The following COL6A2 variants were observed in gnomAD, a reference collection of about 807,000 sequenced individuals.
COL6A2 encodes the protein collagen alpha-2(VI) chain.
In COL6A2, 90 loss-of-function variants were observed where a neutral mutation model predicts 124.9. The ratio of observed to expected loss-of-function variants is 0.72; its 90% CI spans 0.61 to 0.86. COL6A2 has a LOEUF of 0.86. Among genes scored for constraint, COL6A2 ranks in the 40% least tolerant of loss-of-function variants. The pLI, the probability that COL6A2 is intolerant of heterozygous loss-of-function variation, is 0.00. For missense variants in COL6A2, 1,607 were observed against 1,502.5 expected, an observed-to-expected ratio of 1.07 and a Z score of -1.15; for synonymous variants, 793 against 618.2, an observed-to-expected ratio of 1.28 and a Z score of -4.19.
At position 46,119,870 on chromosome 21, in the gene COL6A2, C is replaced by A. The variant is rs1222615509; in HGVS notation, c.1332+20C>A. 1 of 1,553,098 alleles carries A rather than the reference C, an allele frequency of 6.4e-7. No individual in the cohort carries two copies. Among genetic ancestry groups the A allele is most frequent in the East Asian group, 2.4e-5 (1 of 41,738 alleles). ...GAGAAGGTGAGTCCTCGTGTGGAGG[C>A]AGCCCAGGGTCTCACTGTGGTGCCC... On this transcript the variant is annotated intron_variant, in intron 15 of 27. Transcript: ENST00000300527.
rs2078491479 is a variant in COL6A2 at position 46,117,541 on chromosome 21, G to A, written c.1053+88G>A. 2.4e-5 allele frequency: 32 copies of A among 1,338,500 alleles called. No individual in the cohort carries two copies. In the South Asian group the frequency reaches 3.0e-4, roughly 13 times the overall value. 82.9% of individuals were successfully genotyped at this position (1,338,500 alleles called of 1,614,324 possible). On this transcript the variant is annotated intron_variant, in intron 11 of 27. Coordinates refer to ENST00000300527, the MANE Select transcript of COL6A2 (RefSeq NM_001849.4). ...GGGAGGGTAGTTGCTGCTGCAGTGG[G>A]AGCGTGGGTTCTCCCGGCAGCCCAG... is the stretch of plus-strand genomic sequence containing the variant.
intron 11 of COL6A2, 55 bp from the exon 12 acceptor site, chr21:46,117,819 A>C: frequency 1.3e-4 from 204 of 1,559,258 alleles, no homozygotes; most frequent in Non-Finnish European, 1.7e-4. Flanking sequence ...GCCCTGGCTC[A>C]TGGGGAGAAC....
chr21:46,106,057 G>A (rs2078332578), intron 1 of COL6A2, among the ~76,000 whole-genome samples: 1 of 152,108 alleles, frequency 6.6e-6, no homozygotes, highest in South Asian at 2.1e-4. Flanking sequence ...CACACAAATA[G>A]TAACCAAAAG....
At chr21:46,124,836 G>A (rs2078634604) in intron 22 of COL6A2, 49 bp from the exon 23 acceptor site, 1 of 1,611,048 alleles carries the variant, frequency 6.2e-7, no homozygotes, top group Non-Finnish European at 8.5e-7. Flanking sequence ...GAGAGACTCA[G>A]CCACCCAGCC....
intron 27 of COL6A2, among the ~76,000 whole-genome samples, chr21:46,128,450 G>A (rs911690662): frequency 3.3e-5 from 5 of 152,212 alleles, no homozygotes; most frequent in Non-Finnish European, 5.9e-5. Context: ...CATCCTCCTC[G>A]GCCCTCCTGG....
chr21:46,130,281 G>A (rs535590389), intron 27 of COL6A2, among the ~76,000 whole-genome samples: 47 of 152,336 alleles, frequency 3.1e-4, no homozygotes, highest in African/African-American at 1.1e-3. Context: ...GCATCCACCA[G>A]GCACAACCTC....
chr21:46,116,875 G>T lies in COL6A2; in HGVS notation c.999+61G>T. The T allele has an allele frequency of 6.3e-7, 1 of 1,574,984 alleles. No homozygotes were observed. The highest frequency in any genetic ancestry group is 8.7e-7 in the Non-Finnish European group (1 of 1,146,492). On this transcript the variant is annotated intron_variant, in intron 10 of 27. Transcript: ENST00000300527. The surrounding 1 kb of genome is among the most constrained non-coding windows in gnomAD (Gnocchi z 4.6). Reference sequence around the variant, plus strand: ...TCACAGAGGCATCCCAGCCTCTGCAGGGCCCCCAGATCCAGCCTGATCTGT... The same window carrying T: ...TCACAGAGGCATCCCAGCCTCTGCATGGCCCCCAGATCCAGCCTGATCTGT...
chr21:46,111,314 G>A (rs2123612111), intron 1 of COL6A2, 136 bp from the exon 2 acceptor site: 1 of 614,230 alleles, frequency 1.6e-6, no homozygotes, highest in East Asian at 2.8e-5. Flanking sequence ...TGTGTGCTGG[G>A]CGCAGACCCC....
At position 46,125,947 on chromosome 21, in the gene COL6A2, A is replaced by G. The variant is rs764049482; in HGVS notation, c.2132A>G (p.Tyr711Cys). The G allele has an allele frequency of 6.2e-7, 1 of 1,613,106 alleles. No individual in the cohort carries two copies. The highest frequency in any genetic ancestry group is 8.5e-7 in the Non-Finnish European group (1 of 1,179,950). ...ACACCCTCAGCCCTCAAGTTTGCCT[A>G]CGACCGCCTCATCAAGGAGAGCCGG... Reference protein sequence around the residue: ...TWTPSALKFAYDRLIKESRRQ... With the variant: ...TWTPSALKFACDRLIKESRRQ... Residue 711 changes from tyrosine to cysteine, a missense_variant, in exon 26 of 28, where the codon TAC becomes TGC. Physicochemically the swap from Tyr to Cys is radical, Grantham distance 194. Coordinates refer to ENST00000300527, the MANE Select transcript of COL6A2 (RefSeq NM_001849.4).
chr21:46,119,695 G>A, intron 14 of COL6A2, 93 bp from the exon 15 acceptor site: 1 of 1,168,966 alleles, frequency 8.6e-7, no homozygotes, highest in African/African-American at 1.5e-5. Context: ...CTCCTGTAGA[G>A]AAGGAGCATC....
chr21:46,129,134 G>A, intron 27 of COL6A2: 1 of 1,609,884 alleles, frequency 6.2e-7, no homozygotes, highest in Non-Finnish European at 8.5e-7. Context: ...GCTGCCCGAG[G>A]AGGAGCTCTA....
intron 26 of COL6A2, 62 bp from the exon 27 acceptor site, chr21:46,126,441 G>C: frequency 3.1e-6 from 5 of 1,603,488 alleles, no homozygotes; most frequent in Admixed American, 3.3e-5. Flanking sequence ...ATCAGTGAAC[G>C]GCCGCTGAGG....
chr21:46,113,096 G>A, intron 4 of COL6A2: 1 of 583,378 alleles, frequency 1.7e-6, no homozygotes. Flanking sequence ...GGGCAGGTGG[G>A]ATCCATCCAC....
Position 46,125,975 on chromosome 21 carries a change from C to G in COL6A2, c.2160C>G (p.Arg720=), listed in dbSNP as rs61735829. The G allele has an allele frequency of 3.3e-3, 5,358 of 1,613,124 alleles. 162 individuals are homozygous for G. In the African/African-American group the frequency reaches 0.063, roughly 19 times the overall value. ...ACCGCCTCATCAAGGAGAGCCGGCG[C>G]CAGAAGACACGTGTGTTTGCGGTGG... ...AYDRLIKESR[R]QKTRVFAVVI... Residue 720 remains arginine, a synonymous_variant, in exon 26 of 28, where the codon CGC becomes CGG. Coordinates refer to ENST00000300527, the MANE Select transcript of COL6A2 (RefSeq NM_001849.4).
Position 46,112,884 on chromosome 21 carries a change from G to C in COL6A2, c.735+60G>C, listed in dbSNP as rs561831459. The C allele has an allele frequency of 1.3e-5, 21 of 1,608,488 alleles. 1 individual carries two copies. Among genetic ancestry groups the C allele is most frequent in the South Asian group, 1.1e-4 (10 of 91,008 alleles). On this transcript the variant is annotated intron_variant, in intron 4 of 27. Transcript: ENST00000300527. ...GGCAGCTGACCCAGCAGAGATGACCGCGCCAGGCTGCCGACTCCTGGCGCC... is the reference window on the plus strand; with the variant it reads ...GGCAGCTGACCCAGCAGAGATGACCCCGCCAGGCTGCCGACTCCTGGCGCC...
At chr21:46,117,755 G>GA in intron 11 of COL6A2, 119 bp from the exon 12 acceptor site, 1 of 1,037,020 alleles carries the variant, frequency 9.6e-7, no homozygotes, top group Non-Finnish European at 1.5e-6. Context: ...CTGAGCCTGG[G>GA]CCTCACAGTG....
intron 27 of COL6A2, chr21:46,129,903 G>T: frequency 1.0e-6 from 1 of 975,050 alleles, no homozygotes; most frequent in Non-Finnish European, 1.2e-6. Context: ...GGCCCAGCTG[G>T]GCTGCCGTGC....
chr21:46,121,699 G>A (rs540352833), intron 18 of COL6A2, 81 bp downstream of exon 18: 6 of 1,423,160 alleles, frequency 4.2e-6, no homozygotes, highest in Non-Finnish European at 4.9e-6. Flanking sequence ...CGGCCTGGGG[G>A]ACCCTGTTGC....
chr21:46,128,819 C>T (rs2078714690), intron 27 of COL6A2: 1 of 1,136,070 alleles, frequency 8.8e-7, no homozygotes. Context: ...CTCAGGCGGG[C>T]TCTTGAGGGG....
Sources: allele counts gnomAD v4.1 joint callset (sites outside exome capture counted in the v4.1 genomes callset), GRCh38; gene constraint gnomAD v4.1.1; non-coding constraint Gnocchi (gnomAD v3.1); transcripts MANE v1.5; gene names NCBI Gene and HGNC (gene_info 2026-07-23, HGNC 2026-07-21).